The following FOCAD variants were observed in gnomAD, a reference collection of about 807,000 sequenced individuals.
FOCAD encodes focadhesin.
In FOCAD, 198 loss-of-function variants were observed where a neutral mutation model predicts 225.6. That is an observed-to-expected ratio of 0.88 (90% confidence interval 0.78 to 0.99). FOCAD has a LOEUF of 0.99. FOCAD is among the 50% of genes least tolerant of loss of function. The probability of loss-of-function intolerance (pLI) is 0.00; values close to 1 mark genes in which losing one functional copy is unlikely to be tolerated. For missense variants in FOCAD, 2,713 were observed against 2,123.6 expected (o/e 1.28, Z -5.46); for synonymous variants, 897 against 755.0 (o/e 1.19, Z -3.08).
chr9:20,991,435 C>G (rs1397419264), intron 42 of FOCAD, among the ~76,000 whole-genome samples: 1 of 152,174 alleles, frequency 6.6e-6, no homozygotes, highest in African/African-American at 2.4e-5. Context: ...CACCAAGTAT[C>G]TCAACTAAAA....
intron 2 of FOCAD, among the ~76,000 whole-genome samples, chr9:20,659,025 C>A (rs1481610773): frequency 6.6e-6 from 1 of 152,132 alleles, no homozygotes; most frequent in East Asian, 1.9e-4. Flanking sequence ...TCTAGACCAG[C>A]CTAGCCAGCA....
chr9:20,662,981 A>C (rs988157483), intron 2 of FOCAD, among the ~76,000 whole-genome samples: 4 of 152,206 alleles, frequency 2.6e-5, no homozygotes, highest in African/African-American at 4.8e-5. Context: ...TAACCTTTTA[A>C]AGTTACAGTT....
intron 11 of FOCAD, among the ~76,000 whole-genome samples, chr9:20,816,091 A>G (rs564689489): frequency 3.9e-5 from 6 of 152,158 alleles, no homozygotes; most frequent in Non-Finnish European, 5.9e-5. Context: ...GGCCAGAGGA[A>G]AAGACACACC....
In FOCAD at chr9:20,974,654, C is replaced by T. The variant is rs1027883692; in HGVS notation, c.4133-1766C>T. ...CTGCTGCTGTTTTCACGTTTGCTGA[C>T]TCTACCCTACTTCCCCCTTCTTTCA... On this transcript the variant is annotated intron_variant, in intron 35 of 43. Coordinates refer to ENST00000338382, the MANE Select transcript of FOCAD (RefSeq NM_001375567.1). Among the ~76,000 whole-genome samples the T allele has an allele frequency of 2.7e-5, 4 of 149,148 alleles. 1 individual carries two copies. The highest frequency in any genetic ancestry group is 1.0e-4 in the African/African-American group (4 of 39,398).
intron 15 of FOCAD, among the ~76,000 whole-genome samples, chr9:20,860,564 T>A (rs1002166833): frequency 1.3e-5 from 2 of 152,232 alleles, no homozygotes; most frequent in Non-Finnish European, 2.9e-5. Context: ...AGAGTCTCAC[T>A]CTGTAGCCCA....
At chr9:20,677,906 A>C (rs1822282834) in intron 2 of FOCAD, among the ~76,000 whole-genome samples, 2 of 152,244 alleles carry the variant, frequency 1.3e-5, no homozygotes, top group Non-Finnish European at 2.9e-5. Context: ...CATTATTCAC[A>C]GTAGTCAAGA....
At chr9:20,785,418 C>T (rs1587152249) in intron 10 of FOCAD, among the ~76,000 whole-genome samples, 1 of 152,172 alleles carries the variant, frequency 6.6e-6, no homozygotes, top group East Asian at 1.9e-4. Context: ...TTTCCTCACC[C>T]CTCAGGCTAG....
intron 8 of FOCAD, among the ~76,000 whole-genome samples, chr9:20,778,315 G>A (rs923052786): frequency 9.2e-5 from 14 of 151,904 alleles, no homozygotes; most frequent in African/African-American, 3.1e-4. Context: ...CACCATCTTG[G>A]CTCACTGCAA....
chr9:20,727,717 C>T (rs1826325709), intron 4 of FOCAD, among the ~76,000 whole-genome samples: 2 of 152,174 alleles, frequency 1.3e-5, no homozygotes, highest in South Asian at 4.1e-4. Context: ...TTGCTGATGA[C>T]TTACTATGCT....
intron 1 of FOCAD, among the ~76,000 whole-genome samples, chr9:20,714,243 A>T (rs1434927755): frequency 1.3e-5 from 2 of 152,172 alleles, no homozygotes; most frequent in African/African-American, 2.4e-5. Flanking sequence ...TTTGAGTGTC[A>T]CGTCAGTGCT....
chr9:20,882,169 G>A (rs1830725407), intron 20 of FOCAD, 113 bp downstream of exon 20: 2 of 872,074 alleles, frequency 2.3e-6, no homozygotes, highest in East Asian at 5.0e-5. Context: ...CTACTAACAT[G>A]TGGATAAATT....
intron 15 of FOCAD, among the ~76,000 whole-genome samples, chr9:20,839,110 T>C (rs1298960610): frequency 6.6e-6 from 1 of 151,884 alleles, no homozygotes; most frequent in African/African-American, 2.4e-5. Context: ...TATATGAATT[T>C]ATGTTGTGTG....
chr9:20,655,724 C>A (rs1006753456), upstream of FOCAD, among the ~76,000 whole-genome samples: 1 of 152,186 alleles, frequency 6.6e-6, no homozygotes, highest in Non-Finnish European at 1.5e-5. Context: ...TTTCAAAAAA[C>A]CAGCTCCTGG....
intron 2 of FOCAD, among the ~76,000 whole-genome samples, chr9:20,716,393 A>C (rs1825338231): frequency 6.6e-6 from 1 of 152,086 alleles, no homozygotes; most frequent in Non-Finnish European, 1.5e-5. Flanking sequence ...GAATTCTGTT[A>C]TAGAACACTT....
intron 1 of FOCAD, among the ~76,000 whole-genome samples, chr9:20,699,383 G>C (rs1228589170): frequency 6.6e-6 from 1 of 152,010 alleles, no homozygotes; most frequent in Non-Finnish European, 1.5e-5. Context: ...GTGTTGAAAA[G>C]TTCCCTTAGG....
At chr9:20,933,232 G>A (rs1835653501) in intron 28 of FOCAD, 129 bp downstream of exon 28, 2 of 638,682 alleles carry the variant, frequency 3.1e-6, no homozygotes, top group Admixed American at 2.8e-5. Flanking sequence ...TGGGGAACAG[G>A]TGGTGTTTGG....
In FOCAD at chr9:20,990,350, G is replaced by A. The variant is rs80118002; in HGVS notation, c.5232G>A (p.Glu1744=). The change falls in exon 42 of 44, where the codon GAG becomes GAA. Residue 1744 remains glutamate (E), a synonymous_variant. Coordinates refer to ENST00000338382, the MANE Select transcript of FOCAD (RefSeq NM_001375567.1). ...PNSMALLLQK[E]PWKEQTQKFI... is the part of the protein sequence containing the mutation. ...GCATGGCTCTGCTGCTGCAGAAAGA[G>A]CCATGGAAGGAACAGACCCAGAAGG... is the stretch of plus-strand genomic sequence containing the variant. 730 of 1,613,844 alleles carry A rather than the reference G, an allele frequency of 4.5e-4. 19 individuals are homozygous for A. The East Asian group carries it at 0.016, about 36-fold the overall frequency.
chr9:20,739,996 C>G (rs1424119084), intron 4 of FOCAD, among the ~76,000 whole-genome samples: 1 of 152,088 alleles, frequency 6.6e-6, no homozygotes, highest in Non-Finnish European at 1.5e-5. Flanking sequence ...GATTTTCCCC[C>G]AAGAATGTGT....
intron 27 of FOCAD, among the ~76,000 whole-genome samples, chr9:20,929,971 T>C (rs192573404): frequency 8.5e-5 from 13 of 152,308 alleles, no homozygotes; most frequent in Admixed American, 1.3e-4. Flanking sequence ...CAATCTTTTG[T>C]TGATATCATT....
Sources: gnomAD v4.1 joint callset for allele counts (sites outside exome capture counted in the v4.1 genomes callset) on GRCh38, gnomAD v4.1.1 for gene constraint, MANE v1.5 for transcripts, NCBI Gene and HGNC (gene_info 2026-07-23, HGNC 2026-07-21) for gene names.